Variants in FAM177B observed in about 807,000 individuals in gnomAD.
FAM177B encodes protein FAM177B.
FAM177B carries 16 observed loss-of-function variants against 16.1 expected under a neutral mutation model. That is an observed-to-expected ratio of 0.99 (90% CI 0.67 to 1.51). The LOEUF (loss-of-function observed/expected upper bound fraction) is 1.51, where lower values mean the gene tolerates loss of function less well. Ranked by LOEUF, FAM177B falls within the 40% of genes most tolerant of loss-of-function variation. The pLI, the probability that FAM177B is intolerant of heterozygous loss-of-function variation, is 0.00. For missense variants in FAM177B, 178 were observed against 183.7 expected (o/e 0.97, Z 0.18); for synonymous variants, 56 against 59.9 (o/e 0.93, Z 0.30).
chr1:222,750,336 G>A lies in FAM177B; in HGVS notation c.*278G>A, dbSNP rs1658996347. 1 of 1,227,870 alleles carries A rather than the reference G, an allele frequency of 8.1e-7. No homozygotes were observed. Among genetic ancestry groups the A allele is most frequent in the South Asian group, 2.3e-5 (1 of 43,906 alleles). The allele number at this position is 1,227,870 out of a possible 1,614,324, so 76.1% of individuals were successfully genotyped here. On this transcript the variant is annotated 3_prime_UTR_variant, in exon 6 of 6. Coordinates refer to ENST00000445590, the MANE Select transcript of FAM177B (RefSeq NM_001394345.1). ...TCCACCCCTGTGATACAAGTCCCATGAGTACTGACATTTGCACAGTAGCAT... is the reference window on the plus strand; with the variant it reads ...TCCACCCCTGTGATACAAGTCCCATAAGTACTGACATTTGCACAGTAGCAT...
intron 2 of FAM177B, among the ~76,000 whole-genome samples, chr1:222,743,471 A>T (rs1388669467): frequency 8.5e-5 from 13 of 152,090 alleles, no homozygotes; most frequent in Non-Finnish European, 1.5e-5. Context: ...AATTGTTTTT[A>T]GTGGAGATTC....
intron 2 of FAM177B, among the ~76,000 whole-genome samples, chr1:222,741,905 C>CCTCTCTCT (rs71175184): frequency 6.4e-5 from 5 of 77,958 alleles, no homozygotes; most frequent in African/African-American, 2.3e-4. Flanking sequence ...TCCCTCCCTC[C>CCTCTCTCT]CTCTCTCTCT....
At chr1:222,740,278 C>T (rs1234012530) in intron 2 of FAM177B, among the ~76,000 whole-genome samples, 2 of 152,158 alleles carry the variant, frequency 1.3e-5, no homozygotes, top group Non-Finnish European at 2.9e-5. Context: ...TATATTCAAT[C>T]ATGTTTGCAT....
Position 222,747,003 on chromosome 1 carries a change from T to C in FAM177B, c.175-12T>C, listed in dbSNP as rs1658830495. ...TTATTAACTACTCTATCTCAATTTC[T>C]CCTTTTTTCAGTCTAAACTTTCCTG... On this transcript the variant is annotated splice_polypyrimidine_tract_variant and intron_variant, in intron 3 of 5. Transcript: ENST00000445590. The C allele has an allele frequency of 1.9e-6, 3 of 1,583,532 alleles. No individual in the cohort carries two copies. The African/African-American group carries it at 4.0e-5, about 21-fold the overall frequency.
chr1:222,750,311 T>C lies in FAM177B; in HGVS notation c.*253T>C. 1 of 1,276,272 alleles carries C rather than the reference T, an allele frequency of 7.8e-7. No homozygotes were observed. Among genetic ancestry groups the C allele is most frequent in the Non-Finnish European group, 9.9e-7 (1 of 1,009,328 alleles). The allele number at this position is 1,276,272 out of a possible 1,614,324, so 79.1% of individuals were successfully genotyped here. On this transcript the variant is annotated 3_prime_UTR_variant, in exon 6 of 6. Transcript: ENST00000445590. ...TATATTCAAGCCACCCCACCTCAAC[T>C]CCACCCCTGTGATACAAGTCCCATG... is the stretch of plus-strand genomic sequence containing the variant.
intron 2 of FAM177B, among the ~76,000 whole-genome samples, chr1:222,739,319 G>A (rs1272550506): frequency 6.6e-6 from 1 of 152,160 alleles, no homozygotes; most frequent in East Asian, 1.9e-4. Context: ...CTTACAACTA[G>A]CCTGATGTTT....
chr1:222,748,541 T>C (rs2125065634), intron 4 of FAM177B, among the ~76,000 whole-genome samples: 1 of 152,304 alleles, frequency 6.6e-6, no homozygotes, highest in African/African-American at 2.4e-5. Context: ...CTGTGGTCTG[T>C]CTACACAGAG....
At chr1:222,749,833 CT>C (rs1446592645) in intron 5 of FAM177B, 87 bp from the exon 6 acceptor site, 2 of 1,369,568 alleles carry the variant, frequency 1.5e-6, no homozygotes, top group African/African-American at 2.9e-5. Context: ...AAAGTAGAAG[CT>C]TCTTACATGG....
At chr1:222,744,237 G>A (rs959227614) in intron 2 of FAM177B, among the ~76,000 whole-genome samples, 1 of 152,084 alleles carries the variant, frequency 6.6e-6, no homozygotes, top group African/African-American at 2.4e-5. Flanking sequence ...TTGGGAGGCC[G>A]AGGCGGGTGG....
At chr1:222,746,907 G>A (rs1236897081) in intron 3 of FAM177B, 108 bp from the exon 4 acceptor site, 1 of 955,056 alleles carries the variant, frequency 1.0e-6, no homozygotes. Context: ...CTGTGAGAGA[G>A]AAAATGGAAC....
At chr1:222,746,101 G>A (rs1019575787) in intron 2 of FAM177B, among the ~76,000 whole-genome samples, 1 of 151,938 alleles carries the variant, frequency 6.6e-6, no homozygotes, top group Admixed American at 6.6e-5. Context: ...AATTGTAATC[G>A]CTCTTTACAT....
Position 222,750,510 on chromosome 1 carries a change from T to C in FAM177B, c.*452T>C. 2.0e-6 allele frequency: 2 copies of C among 987,300 alleles called. No homozygotes were observed. Among genetic ancestry groups the C allele is most frequent in the Non-Finnish European group, 2.4e-6 (2 of 831,300 alleles). 61.2% of individuals were successfully genotyped at this position (987,300 alleles called of 1,614,324 possible). ...TCCCCTTTCAGGATTTGATATAGTGTGTACTTCCAACAACCATCCTGGCGT... is the reference window on the plus strand; with the variant it reads ...TCCCCTTTCAGGATTTGATATAGTGCGTACTTCCAACAACCATCCTGGCGT... On this transcript the variant is annotated 3_prime_UTR_variant, in exon 6 of 6. Transcript: ENST00000445590.
At chr1:222,739,120 G>A (rs557154954) in intron 2 of FAM177B, among the ~76,000 whole-genome samples, 300 of 152,284 alleles carry the variant, frequency 2.0e-3, no homozygotes, top group Non-Finnish European at 3.5e-3. Flanking sequence ...GAGGGTGTGC[G>A]TATGTTTCAT....
chr1:222,747,079 C>G lies in FAM177B; in HGVS notation c.239C>G (p.Ser80Cys). ...WAGRIASTSF[S>C]TCEFLGGRFA... is the part of the protein sequence containing the mutation. ...GGACGAATAGCAAGCACCTCATTTTCTAGTAAGTACTGCTAAGGTTATTTT... is the reference window on the plus strand; with the variant it reads ...GGACGAATAGCAAGCACCTCATTTTGTAGTAAGTACTGCTAAGGTTATTTT... The change falls in exon 4 of 6, where the codon TCT (serine) becomes TGT (cysteine). Residue 80 changes from serine to cysteine, a missense_variant and splice_region_variant. Transcript: ENST00000445590. 6.3e-7 allele frequency: 1 copy of G among 1,599,412 alleles called. No homozygotes were observed. Among genetic ancestry groups the G allele is most frequent in the Non-Finnish European group, 8.6e-7 (1 of 1,166,702 alleles).
At chr1:222,738,828 A>G (rs1658403043) in intron 2 of FAM177B, among the ~76,000 whole-genome samples, 1 of 152,206 alleles carries the variant, frequency 6.6e-6, no homozygotes. Context: ...ACCGATTACA[A>G]AGATGAATTT....
In FAM177B at chr1:222,746,663, G is replaced by C; in HGVS notation, c.118G>C (p.Glu40Gln). The change falls in exon 3 of 6, where the codon GAG becomes CAG. Residue 40 changes from glutamate to glutamine, a missense_variant. By Grantham distance (29) the Glu-to-Gln change is conservative. Coordinates refer to ENST00000445590, the MANE Select transcript of FAM177B (RefSeq NM_001394345.1). ...DGDIMEEYST[E>Q]EEEEEEKEEQ... ...AGACATCATGGAAGAATATAGCACA[G>C]AGGAGGAGGAGGAAGAGGAAAAGGA... The C allele has an allele frequency of 6.3e-7, 1 of 1,596,208 alleles. No homozygotes were observed.
Position 222,746,345 on chromosome 1 carries a change from C to T in FAM177B, c.-15-186C>T, listed in dbSNP as rs528000269. Among the ~76,000 whole-genome samples the T allele has an allele frequency of 6.6e-5, 10 of 152,302 alleles. No individual in the cohort carries two copies. In the South Asian group the frequency reaches 1.5e-3, roughly 22 times the overall value. ...TTTGAAGACTGTAAGTTCACGTTTT[C>T]GCTATTTATCAAATCTCTTCCATTT... On this transcript the variant is annotated intron_variant, in intron 2 of 5. Coordinates refer to ENST00000445590, the MANE Select transcript of FAM177B (RefSeq NM_001394345.1).
chr1:222,747,204 G>T, intron 4 of FAM177B, 123 bp downstream of exon 4: 1 of 688,240 alleles, frequency 1.5e-6, no homozygotes, highest in South Asian at 1.8e-5. Flanking sequence ...AGTGAGATCT[G>T]GGCTAAGCTT....
chr1:222,749,413 C>G (rs1658949421), intron 4 of FAM177B, 52 bp from the exon 5 acceptor site: 2 of 1,057,056 alleles, frequency 1.9e-6, no homozygotes, highest in Admixed American at 1.8e-5. Context: ...TCAACTGATG[C>G]GAAGCTTTAG....
Sources: allele counts gnomAD v4.1 joint callset (sites outside exome capture counted in the v4.1 genomes callset), GRCh38; gene constraint gnomAD v4.1.1; transcripts MANE v1.5; gene names NCBI Gene and HGNC (gene_info 2026-07-23, HGNC 2026-07-21).